PIK3R5: variants seen among roughly 807,000 people sequenced by gnomAD.
PIK3R5 encodes the protein phosphoinositide-3-kinase regulatory subunit 5.
PIK3R5 carries 32 observed loss-of-function variants against 94.9 expected under a neutral mutation model. That is an observed-to-expected ratio of 0.34 (90% CI 0.25 to 0.45). The LOEUF (loss-of-function observed/expected upper bound fraction) is 0.45. Ranked by LOEUF, PIK3R5 falls within the 20% of genes least tolerant of loss-of-function variation. The pLI is 1.00. For missense variants in PIK3R5, 853 were observed against 1,144.6 expected, an observed-to-expected ratio of 0.75 and a Z score of 3.68; for synonymous variants, 443 against 479.4, an observed-to-expected ratio of 0.92 and a Z score of 0.99.
chr17:8,941,419 C>T (rs2091177433), intron 1 of PIK3R5, among the ~76,000 whole-genome samples: 1 of 124,972 alleles, frequency 8.0e-6, no homozygotes, highest in Non-Finnish European at 1.7e-5. Flanking sequence ...CCAGAGACGG[C>T]TTGAAGGACT....
At position 8,889,171 on chromosome 17, in the gene PIK3R5, C is replaced by T; in HGVS notation, c.863G>A (p.Cys288Tyr). 1 of 1,614,066 alleles carries T rather than the reference C, an allele frequency of 6.2e-7. No individual in the cohort carries two copies. Among genetic ancestry groups the T allele is most frequent in the Non-Finnish European group, 8.5e-7 (1 of 1,179,972 alleles). The change falls in exon 9 of 19, where the codon TGC (cysteine) becomes TAC (tyrosine). Residue 288 changes from cysteine to tyrosine, a missense_variant. By Grantham distance (194) the Cys-to-Tyr change is radical (BLOSUM62 -2). Transcript: ENST00000447110. The surrounding 1 kb of genome is among the most constrained non-coding windows in gnomAD (Gnocchi z 4.1). ...LHTIPIPVARCYTYSWSQDSF... is the reference protein window; with the variant it reads ...LHTIPIPVARYYTYSWSQDSF... ...GTCCTGGCTCCAGCTGTAGGTGTAGCACCTGGCGACAGGGATGGGGATGGT... is the reference window on the plus strand; with the variant it reads ...GTCCTGGCTCCAGCTGTAGGTGTAGTACCTGGCGACAGGGATGGGGATGGT...
chr17:8,938,554 C>T (rs1379312388), intron 1 of PIK3R5, among the ~76,000 whole-genome samples: 1 of 152,210 alleles, frequency 6.6e-6, no homozygotes, highest in East Asian at 1.9e-4. Flanking sequence ...TCCCCTTATC[C>T]TCTGGCAACC....
chr17:8,895,699 C>T (rs544790144), intron 5 of PIK3R5, among the ~76,000 whole-genome samples: 1 of 152,310 alleles, frequency 6.6e-6, no homozygotes, highest in East Asian at 1.9e-4. Flanking sequence ...GATTGTGCTA[C>T]AGTTAGAATC....
intron 1 of PIK3R5, among the ~76,000 whole-genome samples, chr17:8,953,965 T>C (rs2091423416): frequency 1.3e-5 from 2 of 151,818 alleles, no homozygotes; most frequent in Non-Finnish European, 2.9e-5. Flanking sequence ...CTCTCCATCA[T>C]GCATGAGCTC....
intron 1 of PIK3R5, among the ~76,000 whole-genome samples, chr17:8,937,536 G>T (rs900241174): frequency 4.6e-5 from 7 of 152,160 alleles, no homozygotes; most frequent in Admixed American, 3.9e-4. Flanking sequence ...AACTACGTTA[G>T]TTGACTTTCA....
chr17:8,942,338 C>T (rs920028743), intron 1 of PIK3R5, among the ~76,000 whole-genome samples: 1 of 152,156 alleles, frequency 6.6e-6, no homozygotes, highest in Non-Finnish European at 1.5e-5. Flanking sequence ...GAGCCCCTCC[C>T]TGCCCCCACC....
In PIK3R5 at chr17:8,890,245, C is replaced by T. The variant is rs2089989790; in HGVS notation, c.658-119G>A. 1 of 1,010,422 alleles carries T rather than the reference C, an allele frequency of 9.9e-7. No homozygotes were observed. The highest frequency in any genetic ancestry group is 1.5e-6 in the Non-Finnish European group (1 of 681,438). 62.6% of individuals were successfully genotyped at this position (1,010,422 alleles called of 1,614,324 possible). On this transcript the variant is annotated intron_variant, in intron 7 of 18. Coordinates refer to ENST00000447110, the MANE Select transcript of PIK3R5 (RefSeq NM_001142633.3). This position sits in a 1 kb window ranked among gnomAD's most constrained non-coding sequence, Gnocchi z 6.1. Reference sequence around the variant, plus strand: ...ATCTGTCCCCTCCCAGCCTCATCACCCATCTCCTACCCACAGCTGGCCAGG... The same window carrying T: ...ATCTGTCCCCTCCCAGCCTCATCACTCATCTCCTACCCACAGCTGGCCAGG...
intron 5 of PIK3R5, among the ~76,000 whole-genome samples, chr17:8,899,430 C>A (rs1418940290): frequency 6.6e-6 from 1 of 152,232 alleles, no homozygotes; most frequent in Non-Finnish European, 1.5e-5. Context: ...GCAACCCTTA[C>A]TGCCCCCAGC....
chr17:8,906,414 T>G (rs1375278776), intron 3 of PIK3R5, among the ~76,000 whole-genome samples: 2 of 152,224 alleles, frequency 1.3e-5, no homozygotes, highest in African/African-American at 4.8e-5. Flanking sequence ...CTGTTATTTG[T>G]GTTATAAATA....
chr17:8,925,018 G>GGATA lies in PIK3R5; in HGVS notation c.-13-13515_-13-13512dup, dbSNP rs146900729. Among the ~76,000 whole-genome samples, 3,967 of 151,336 alleles carry GGATA rather than the reference G, an allele frequency of 0.026. 80 individuals carry two copies. Among genetic ancestry groups the GGATA allele is most frequent in the African/African-American group, 0.048 (1,987 of 41,206 alleles). On this transcript the variant is annotated intron_variant, in intron 1 of 18. Coordinates refer to ENST00000447110, the MANE Select transcript of PIK3R5 (RefSeq NM_001142633.3). The surrounding 1 kb of genome is among the most constrained non-coding windows in gnomAD (Gnocchi z 5.1). The stretch of plus-strand genomic sequence containing the variant: ...CCAGATAGATAGTTAGATAGTAGAT[G>GGATA]GATAGATAGATAGATAGTAGATGAA...
chr17:8,953,205 A>C (rs2151475212), intron 1 of PIK3R5, among the ~76,000 whole-genome samples: 1 of 152,236 alleles, frequency 6.6e-6, no homozygotes, highest in Non-Finnish European at 1.5e-5. Flanking sequence ...CTGCTAGGCA[A>C]CTCAAGTACC....
intron 1 of PIK3R5, among the ~76,000 whole-genome samples, chr17:8,915,535 C>A (rs979064145): frequency 6.6e-6 from 1 of 152,186 alleles, no homozygotes; most frequent in African/African-American, 2.4e-5. Context: ...CCAAGGCTCA[C>A]AGGAGTGTGT....
At chr17:8,927,361 A>G (rs1421415871) in intron 1 of PIK3R5, among the ~76,000 whole-genome samples, 1 of 152,200 alleles carries the variant, frequency 6.6e-6, no homozygotes, top group Non-Finnish European at 1.5e-5. Flanking sequence ...GCCAGGCCGT[A>G]ATGAGGTTCC....
chr17:8,905,520 C>T (rs2090375077), intron 4 of PIK3R5, 149 bp downstream of exon 4: 1 of 494,686 alleles, frequency 2.0e-6, no homozygotes, highest in East Asian at 3.8e-5. Context: ...TGCTCTGAAG[C>T]CATCTAAGGG....
At chr17:8,937,102 C>G (rs971383129) in intron 1 of PIK3R5, among the ~76,000 whole-genome samples, 1 of 152,176 alleles carries the variant, frequency 6.6e-6, no homozygotes, top group Non-Finnish European at 1.5e-5. Context: ...ATTTATCTTG[C>G]ACTCTGAAAC....
Position 8,928,160 on chromosome 17 carries a change from C to T in PIK3R5, c.-13-16653G>A, listed in dbSNP as rs570687616. ...CTCCCACTCTACCCCTTAGTAATGT[C>T]AGACAAAAGGTCTAACATTCATGTG... On this transcript the variant is annotated intron_variant, in intron 1 of 18. Coordinates refer to ENST00000447110, the MANE Select transcript of PIK3R5 (RefSeq NM_001142633.3). Among the ~76,000 whole-genome samples, 4 of 152,278 alleles carry T rather than the reference C, an allele frequency of 2.6e-5. No homozygotes were observed. In the South Asian group the frequency reaches 8.3e-4, roughly 32 times the overall value.
chr17:8,912,508 G>A (rs2090547510), intron 1 of PIK3R5: 1 of 152,254 alleles, frequency 6.6e-6, no homozygotes, highest in South Asian at 2.1e-4. Context: ...CAGATGCGCT[G>A]AGTAAGCTTC....
chr17:8,887,595 G>A lies in PIK3R5; in HGVS notation c.1705C>T (p.Pro569Ser). The part of the protein sequence containing the change: ...VPVKRSHGTS[P>S]GACPPPRSQT... ...CTCCGAGGGGGTGGACAGGCACCAG[G>A]GCTGGTCCCATGACTTCGCTTCACA... The change falls in exon 11 of 19, where the codon CCT (proline) becomes TCT (serine). Residue 569 changes from proline (P) to serine (S), a missense_variant. Physicochemically the swap from Pro to Ser is moderately conservative, Grantham distance 74. Transcript: ENST00000447110. The A allele has an allele frequency of 6.2e-7, 1 of 1,610,148 alleles. No homozygotes were observed. Among genetic ancestry groups the A allele is most frequent in the Non-Finnish European group, 8.5e-7 (1 of 1,178,330 alleles).
chr17:8,942,021 C>G (rs912632994), intron 1 of PIK3R5, among the ~76,000 whole-genome samples: 7 of 152,176 alleles, frequency 4.6e-5, no homozygotes, highest in Non-Finnish European at 1.0e-4. Context: ...GCTCAGGGGG[C>G]CGGGTTTCCT....
Sources: gnomAD v4.1 joint callset for allele counts (sites outside exome capture counted in the v4.1 genomes callset) on GRCh38, gnomAD v4.1.1 for gene constraint, Gnocchi (gnomAD v3.1) non-coding constraint, MANE v1.5 for transcripts, NCBI Gene and HGNC (gene_info 2026-07-23, HGNC 2026-07-21) for gene names.